The following TBC1D22A variants were observed in gnomAD, a reference collection of about 807,000 sequenced individuals.
TBC1D22A encodes the protein TBC1 domain family member 22A.
In TBC1D22A, 38 loss-of-function variants were observed where a neutral mutation model predicts 60.2. The ratio of observed to expected loss-of-function variants is 0.63; its 90% CI spans 0.49 to 0.83. The LOEUF is 0.83. TBC1D22A is among the 40% of genes least tolerant of loss of function. TBC1D22A has a pLI of 0.00. For synonymous variants in TBC1D22A, 302 were observed against 281.7 expected (o/e 1.07, Z -0.72); for missense variants, 628 against 701.0 (o/e 0.90, Z 1.18).
chr22:46,972,456 G>A (rs1045954604), intron 8 of TBC1D22A, among the ~76,000 whole-genome samples: 4 of 152,232 alleles, frequency 2.6e-5, no homozygotes, highest in African/African-American at 7.2e-5. Flanking sequence ...GTGCGGCTCA[G>A]TCGTGAAGAG....
At chr22:46,942,775 A>G (rs563352902) in intron 8 of TBC1D22A, among the ~76,000 whole-genome samples, 7 of 152,348 alleles carry the variant, frequency 4.6e-5, no homozygotes, top group Admixed American at 2.6e-4. Flanking sequence ...GCTGTTCTAA[A>G]TAGACCTGTG....
chr22:46,983,029 T>G (rs2074576457), intron 9 of TBC1D22A, among the ~76,000 whole-genome samples: 1 of 152,240 alleles, frequency 6.6e-6, no homozygotes, highest in Non-Finnish European at 1.5e-5. Flanking sequence ...AATGCTGCAC[T>G]TGTAGTCATC....
chr22:46,838,848 T>A (rs371663865), intron 4 of TBC1D22A, among the ~76,000 whole-genome samples: 2 of 152,274 alleles, frequency 1.3e-5, no homozygotes, highest in African/African-American at 4.8e-5. Flanking sequence ...TTGACAAAAT[T>A]CAACATCTTT....
chr22:46,814,825 TG>T (rs1322220983), intron 4 of TBC1D22A, among the ~76,000 whole-genome samples: 17 of 151,044 alleles, frequency 1.1e-4, no homozygotes, highest in Admixed American at 1.1e-3. Context: ...TTTTTTTTTT[TG>T]TATTTTTAGT....
intron 5 of TBC1D22A, 66 bp from the exon 6 acceptor site, chr22:46,891,200 G>T: frequency 6.8e-7 from 1 of 1,474,618 alleles, no homozygotes; most frequent in African/African-American, 1.5e-5. Flanking sequence ...TTTATTTCAC[G>T]CTTAATAATA....
intron 1 of TBC1D22A, among the ~76,000 whole-genome samples, chr22:46,767,460 T>G (rs1231432779): frequency 6.6e-6 from 1 of 152,222 alleles, no homozygotes; most frequent in Non-Finnish European, 1.5e-5. Context: ...CAAATATGTA[T>G]TCAACCCATA....
intron 12 of TBC1D22A, among the ~76,000 whole-genome samples, chr22:47,158,503 C>T (rs558454791): frequency 6.6e-6 from 1 of 152,242 alleles, no homozygotes; most frequent in South Asian, 2.1e-4. Context: ...CTGGGATACC[C>T]AGCCCCGACA....
At chr22:47,162,148 T>C (rs2068006417) in intron 12 of TBC1D22A, among the ~76,000 whole-genome samples, 1 of 152,166 alleles carries the variant, frequency 6.6e-6, no homozygotes, top group South Asian at 2.1e-4. Context: ...ATCTTTTGCC[T>C]TTATGTGTAT....
intron 10 of TBC1D22A, among the ~76,000 whole-genome samples, chr22:47,010,780 A>G (rs2061728427): frequency 6.6e-6 from 1 of 151,742 alleles, no homozygotes; most frequent in Non-Finnish European, 1.5e-5. Context: ...GAAACTCTAA[A>G]TGGATATTTT....
intron 5 of TBC1D22A, among the ~76,000 whole-genome samples, chr22:46,879,900 G>T (rs1299758194): frequency 6.6e-6 from 1 of 152,180 alleles, no homozygotes; most frequent in Non-Finnish European, 1.5e-5. Context: ...AATGTGTGTA[G>T]CACAGGGGTT....
At chr22:46,985,692 C>G (rs1439488568) in intron 9 of TBC1D22A, among the ~76,000 whole-genome samples, 1 of 152,184 alleles carries the variant, frequency 6.6e-6, no homozygotes, top group Non-Finnish European at 1.5e-5. Flanking sequence ...TGGTCTTGGG[C>G]TGTTGTGAAT....
intron 7 of TBC1D22A, among the ~76,000 whole-genome samples, chr22:46,899,893 G>A (rs1459182404): frequency 6.6e-6 from 1 of 152,006 alleles, no homozygotes; most frequent in African/African-American, 2.4e-5. Context: ...TTTTTTAGTT[G>A]TGTGCTCCCC....
intron 4 of TBC1D22A, among the ~76,000 whole-genome samples, chr22:46,868,767 TCTC>T (rs2147410534): frequency 6.6e-6 from 1 of 152,342 alleles, no homozygotes; most frequent in African/African-American, 2.4e-5. Context: ...TTCTTCCTCT[TCTC>T]CTTCCCCATC....
chr22:46,903,200 C>T (rs943468667), intron 7 of TBC1D22A, among the ~76,000 whole-genome samples: 77 of 152,144 alleles, frequency 5.1e-4, no homozygotes, highest in African/African-American at 1.8e-3. Context: ...GGTGGGCGTT[C>T]GGGACCGAGG....
intron 12 of TBC1D22A, among the ~76,000 whole-genome samples, chr22:47,132,822 G>A (rs939397848): frequency 6.6e-6 from 1 of 150,592 alleles, no homozygotes; most frequent in East Asian, 1.9e-4. Context: ...GGAAACTCCC[G>A]AGTGTCCGCG....
At chr22:47,146,886 C>T (rs905807179) in intron 12 of TBC1D22A, among the ~76,000 whole-genome samples, 10 of 152,314 alleles carry the variant, frequency 6.6e-5, no homozygotes, top group East Asian at 3.9e-4. Context: ...TCTGCCCACC[C>T]GGAAACCTCC....
At chr22:46,949,586 G>A (rs2072770714) in intron 8 of TBC1D22A, among the ~76,000 whole-genome samples, 1 of 152,182 alleles carries the variant, frequency 6.6e-6, no homozygotes, top group Non-Finnish European at 1.5e-5. Context: ...GGCTTCAGAT[G>A]GAAGCGTCTG....
intron 11 of TBC1D22A, among the ~76,000 whole-genome samples, chr22:47,092,133 A>G (rs1241738272): frequency 6.6e-6 from 1 of 152,150 alleles, no homozygotes; most frequent in Non-Finnish European, 1.5e-5. Context: ...ACAAGAACAG[A>G]AGAGGGCACG....
chr22:47,139,660 C>A (rs927262743), intron 12 of TBC1D22A, among the ~76,000 whole-genome samples: 1 of 152,186 alleles, frequency 6.6e-6, no homozygotes, highest in Admixed American at 6.5e-5. Context: ...ACCTTCCAAG[C>A]CCCCTGCTTC....
Sources: allele counts gnomAD v4.1 joint callset (sites outside exome capture counted in the v4.1 genomes callset), GRCh38; gene constraint gnomAD v4.1.1; transcripts MANE v1.5; gene names NCBI Gene and HGNC (gene_info 2026-07-23, HGNC 2026-07-21).